The following LRIG1 variants were observed in gnomAD, a reference collection of about 807,000 sequenced individuals.
The protein encoded by LRIG1 is leucine-rich repeats and immunoglobulin-like domains protein 1.
LRIG1 carries 48 observed loss-of-function variants against 99.2 expected under a neutral mutation model. The observed-to-expected ratio is 0.48, with a 90% CI of 0.38 to 0.62. The LOEUF is 0.62. Among genes scored for constraint, LRIG1 ranks in the 20% least tolerant of loss-of-function variants. The probability of loss-of-function intolerance (pLI) is 0.00; values close to 1 mark genes in which losing one functional copy is unlikely to be tolerated. For synonymous variants in LRIG1, 772 were observed against 596.1 expected (o/e 1.29, Z -4.30); for missense variants, 1,646 against 1,434.4 (o/e 1.15, Z -2.38).
intron 3 of LRIG1, among the ~76,000 whole-genome samples, chr3:66,421,593 TTCACAGGCTGGCGTTGAGTG>T (rs1215515443): frequency 2.6e-5 from 4 of 152,280 alleles, no homozygotes; most frequent in African/African-American, 9.6e-5. Flanking sequence ...CCCAGCTGCT[TTCACAGGCTGGCGTTGAGTG>T]TCTGCGGCTT....
At chr3:66,447,290 T>C (rs56300148) in intron 3 of LRIG1, among the ~76,000 whole-genome samples, 52,424 of 152,100 alleles carry the variant, frequency 0.34, 10,638 homozygotes, top group Middle Eastern at 0.49. Context: ...CACCCTGTTA[T>C]GCTATCAAAT....
chr3:66,439,413 T>C (rs1465593933), intron 3 of LRIG1, among the ~76,000 whole-genome samples: 1 of 152,252 alleles, frequency 6.6e-6, no homozygotes, highest in African/African-American at 2.4e-5. Flanking sequence ...AGTTCTACTC[T>C]TTGCAACTTA....
chr3:66,384,259 G>A lies in LRIG1; in HGVS notation c.1803C>T (p.Phe601=), dbSNP rs1384097372. 4 of 1,611,540 alleles carry A rather than the reference G, an allele frequency of 2.5e-6. No individual in the cohort carries two copies. Among genetic ancestry groups the A allele is most frequent in the East Asian group, 4.5e-5 (2 of 44,780 alleles). The change falls in exon 14 of 19, where the codon TTC becomes TTT. Residue 601 remains phenylalanine (F), a synonymous_variant. Coordinates refer to ENST00000273261, the MANE Select transcript of LRIG1 (RefSeq NM_015541.3). ...TGGTTATGTCGTGGGGCGTTTTGGT[G>A]AATGATGGCAACACTGGAAAACATA... ...ARLTVNVLPS[F]TKTPHDITIR...
In LRIG1 at chr3:66,417,164, G is replaced by C; in HGVS notation, c.468C>G (p.Asn156Lys). Residue 156 changes from asparagine to lysine, a missense_variant, in exon 4 of 19, where the codon AAC (asparagine) becomes AAG (lysine). Physicochemically the swap from Asn to Lys is moderately conservative, Grantham distance 94. Transcript: ENST00000273261. ...LSLNNITEVR[N>K]TCFPHGPPIK... ...TAGGCGGTCCGTGTGGAAAGCAGGT[G>C]TTCCGCACTTCCGTGATGTTGTTCA... 8 of 1,614,212 alleles carry C rather than the reference G, an allele frequency of 5.0e-6. No homozygotes were observed. The highest frequency in any genetic ancestry group is 6.8e-6 in the Non-Finnish European group (8 of 1,180,040).
intron 8 of LRIG1, among the ~76,000 whole-genome samples, chr3:66,406,721 A>G (rs1702281182): frequency 6.6e-6 from 1 of 152,206 alleles, no homozygotes; most frequent in Admixed American, 6.5e-5. Context: ...AGCATCCTGC[A>G]GCCACTTTTG....
Position 66,382,301 on chromosome 3 carries a change from AG to A in LRIG1, c.2588del (p.Pro863LeufsTer142). The A allele has an allele frequency of 1.9e-6, 3 of 1,614,124 alleles. No homozygotes were observed. Among genetic ancestry groups the A allele is most frequent in the Non-Finnish European group, 2.5e-6 (3 of 1,179,990 alleles). On this transcript the variant is annotated frameshift_variant, in exon 16 of 19. Transcript: ENST00000273261. LOFTEE classifies it high-confidence loss of function. ...QETVVRTEGG[P>X]QANGHIESNG... is the part of the protein sequence containing the mutation. ...TGCTCTCAATGTGCCCATTGGCCTG[AG>A]GGCCACCCTCGGTCCTGACCACGGT... is the stretch of plus-strand genomic sequence containing the variant.
intron 11 of LRIG1, among the ~76,000 whole-genome samples, chr3:66,396,200 A>G (rs554116203): frequency 3.9e-5 from 6 of 152,274 alleles, no homozygotes; most frequent in Admixed American, 2.0e-4. Flanking sequence ...TGGAGACAGC[A>G]TGTTCCTAAA....
At position 66,380,659 on chromosome 3, in the gene LRIG1, G is replaced by A. The variant is rs1392151990; in HGVS notation, c.2973C>T (p.Cys991=). 6.2e-7 allele frequency: 1 copy of A among 1,614,058 alleles called. No individual in the cohort carries two copies. The highest frequency in any genetic ancestry group is 8.5e-7 in the Non-Finnish European group (1 of 1,180,042). Residue 991 remains cysteine (C), a synonymous_variant, in exon 18 of 19, where the codon TGC becomes TGT. Transcript: ENST00000273261. ...GGTTACTGGGGTAGAGCGACCCTTG[G>A]CACTCGGGGCAGGACCCAGCGGCAG... The part of the protein sequence containing the change: ...SRTAAGSCPE[C]QGSLYPSNHD...
At chr3:66,499,413 G>A (rs1045704036) in intron 1 of LRIG1, among the ~76,000 whole-genome samples, 1 of 152,146 alleles carries the variant, frequency 6.6e-6, no homozygotes, top group Non-Finnish European at 1.5e-5. Flanking sequence ...GAGTCTTGAG[G>A]GTGGGCCCCA....
chr3:66,487,425 C>T (rs1222304283), intron 1 of LRIG1, among the ~76,000 whole-genome samples: 1 of 152,188 alleles, frequency 6.6e-6, no homozygotes, highest in East Asian at 1.9e-4. Flanking sequence ...AACCTCAGAA[C>T]CCCTTAGAGA....
At chr3:66,413,152 A>G (rs1702522870) in intron 5 of LRIG1, 138 bp from the exon 6 acceptor site, 4 of 928,128 alleles carry the variant, frequency 4.3e-6, no homozygotes, top group Admixed American at 2.3e-5. Context: ...CAGGATGTGT[A>G]GGGGAGCCCA....
chr3:66,435,272 G>C (rs1703317568), intron 3 of LRIG1, among the ~76,000 whole-genome samples: 2 of 151,340 alleles, frequency 1.3e-5, no homozygotes, highest in African/African-American at 4.8e-5. Flanking sequence ...AAGTCAACCA[G>C]GGGGGGCTAG....
intron 1 of LRIG1, among the ~76,000 whole-genome samples, chr3:66,481,112 C>T (rs1700841927): frequency 6.6e-6 from 1 of 152,214 alleles, no homozygotes; most frequent in Admixed American, 6.5e-5. Context: ...TGCCAGTCCT[C>T]TGTGGCTGAG....
intron 4 of LRIG1, among the ~76,000 whole-genome samples, chr3:66,415,582 A>G (rs1296474391): frequency 6.6e-6 from 1 of 152,220 alleles, no homozygotes; most frequent in East Asian, 1.9e-4. Flanking sequence ...GTAATTGTAA[A>G]TGCCTCAAAG....
At chr3:66,479,576 T>C (rs987912342) in intron 1 of LRIG1, among the ~76,000 whole-genome samples, 1 of 152,158 alleles carries the variant, frequency 6.6e-6, no homozygotes, top group Non-Finnish European at 1.5e-5. Context: ...CTAAACATGC[T>C]CTGCTTACCA....
At chr3:66,496,930 A>G (rs1423326686) in intron 1 of LRIG1, among the ~76,000 whole-genome samples, 1 of 152,238 alleles carries the variant, frequency 6.6e-6, no homozygotes, top group African/African-American at 2.4e-5. Flanking sequence ...CCACAATGGC[A>G]ACCACAGTTG....
intron 7 of LRIG1, 159 bp downstream of exon 7, chr3:66,409,970 G>A (rs1702411029): frequency 1.5e-6 from 1 of 652,266 alleles, no homozygotes; most frequent in South Asian, 2.1e-5. Context: ...AAATCGCTGA[G>A]GGTTCCACCC....
intron 1 of LRIG1, among the ~76,000 whole-genome samples, chr3:66,480,741 AT>A (rs1237710845): frequency 3.3e-5 from 5 of 152,220 alleles, no homozygotes; most frequent in Non-Finnish European, 2.9e-5. Flanking sequence ...CAGAAAACAC[AT>A]TCTTGGCATT....
rs1403015062 is a variant in LRIG1, at chr3:66,379,615, G to A, written c.*648C>T. 6.6e-6 allele frequency: 1 copy of A among 152,126 alleles called. No homozygotes were observed. Among genetic ancestry groups the A allele is most frequent in the African/African-American group, 2.4e-5 (1 of 41,424 alleles). The allele number at this position is 152,126 out of a possible 1,614,324, so 9.4% of individuals were successfully genotyped here. A position where few individuals can be genotyped will look rare whatever the true frequency, so the allele number is the denominator to read the frequency against. ...AGATTCTACGCCTTACAGACAGACA[G>A]GACTTAAACCTAAAAGGAAAAGCCA... On this transcript the variant is annotated 3_prime_UTR_variant, in exon 19 of 19. Transcript: ENST00000273261.
Sources: allele counts gnomAD v4.1 joint callset (sites outside exome capture counted in the v4.1 genomes callset), GRCh38; gene constraint gnomAD v4.1.1; transcripts MANE v1.5; gene names NCBI Gene and HGNC (gene_info 2026-07-23, HGNC 2026-07-21).